The following LOC128092252 variants were observed in gnomAD, a reference collection of about 807,000 sequenced individuals.
the LOC128092252 span, among the ~76,000 whole-genome samples, chr15:50,673,062 G>A: frequency 6.2e-5 from 9 of 144,892 alleles, no homozygotes; most frequent in South Asian, 2.1e-4. Context: ...GTAAGCTAGC[G>A]TTAATTTATT....
chr15:50,659,996 A>G, the LOC128092252 span, among the ~76,000 whole-genome samples: 1 of 152,116 alleles, frequency 6.6e-6, no homozygotes, highest in Admixed American at 6.6e-5. Context: ...AAAGCAAAAC[A>G]TCAATTTCTC....
the LOC128092252 span, among the ~76,000 whole-genome samples, chr15:50,672,686 GATC>G: frequency 6.6e-6 from 1 of 151,826 alleles, no homozygotes; most frequent in Non-Finnish European, 1.5e-5. Flanking sequence ...GAGGCAGGCG[GATC>G]ATCTGAGGTC....
At chr15:50,662,637 C>T in the LOC128092252 span, among the ~76,000 whole-genome samples, 2 of 152,234 alleles carry the variant, frequency 1.3e-5, no homozygotes, top group Admixed American at 1.3e-4. Context: ...TTTAAGTTCC[C>T]AATATCAGTG....
the LOC128092252 span, among the ~76,000 whole-genome samples, chr15:50,653,608 G>A: frequency 1.7e-4 from 26 of 152,096 alleles, no homozygotes; most frequent in Non-Finnish European, 3.4e-4. Context: ...ACCAGCTTGG[G>A]GGCAATTTCT....
At chr15:50,686,139 G>T in the LOC128092252 span, among the ~76,000 whole-genome samples, 4 of 152,128 alleles carry the variant, frequency 2.6e-5, no homozygotes, top group Non-Finnish European at 4.4e-5. Flanking sequence ...TTATCTGCCA[G>T]CAACTGGCGC....
At chr15:50,666,131 C>A in the LOC128092252 span, among the ~76,000 whole-genome samples, 1 of 151,806 alleles carries the variant, frequency 6.6e-6, no homozygotes, top group Admixed American at 6.6e-5. Flanking sequence ...AATAAAACAG[C>A]AAGATAAGCA....
At chr15:50,685,538 T>C in the LOC128092252 span, among the ~76,000 whole-genome samples, 3 of 152,374 alleles carry the variant, frequency 2.0e-5, no homozygotes, top group South Asian at 2.1e-4. Context: ...ATTTGTGTTA[T>C]AAGTAAAACT....
the LOC128092252 span, among the ~76,000 whole-genome samples, chr15:50,683,103 G>T: frequency 6.6e-6 from 1 of 151,546 alleles, no homozygotes; most frequent in Non-Finnish European, 1.5e-5. Context: ...TCCCAGGCTA[G>T]TCTTGTACTC....
At chr15:50,667,421 G>T in the LOC128092252 span, among the ~76,000 whole-genome samples, 84,350 of 152,080 alleles carry the variant, frequency 0.55, 23,525 homozygotes, top group Admixed American at 0.62. Flanking sequence ...AATAAGAGCT[G>T]CTGGCCGGGC....
the LOC128092252 span, among the ~76,000 whole-genome samples, chr15:50,660,020 GTATTT>G: frequency 6.6e-6 from 1 of 152,098 alleles, no homozygotes; most frequent in Non-Finnish European, 1.5e-5. Flanking sequence ...AAGAAAAATG[GTATTT>G]TATTTTAGAA....
the LOC128092252 span, among the ~76,000 whole-genome samples, chr15:50,677,956 T>C: frequency 6.7e-6 from 1 of 150,118 alleles, no homozygotes; most frequent in Non-Finnish European, 1.5e-5. Context: ...GACCTAGAAA[T>C]TGGCTGGGCG....
At chr15:50,654,293 A>T in the LOC128092252 span, among the ~76,000 whole-genome samples, 4 of 151,030 alleles carry the variant, frequency 2.6e-5, no homozygotes, top group Non-Finnish European at 4.4e-5. Flanking sequence ...TAAAAATATA[A>T]AAAATTAGCT....
the LOC128092252 span, among the ~76,000 whole-genome samples, chr15:50,679,524 ATATATATATATATATTTT>A: frequency 1.9e-3 from 88 of 45,674 alleles, 2 homozygotes; most frequent in African/African-American, 8.7e-3. Context: ...ATATATATAT[ATATATATATATATATTTT>A]TTTTTTTTTT....
chr15:50,673,532 A>G, the LOC128092252 span, among the ~76,000 whole-genome samples: 6 of 152,042 alleles, frequency 3.9e-5, no homozygotes, highest in Non-Finnish European at 7.3e-5. Context: ...TTGGTTTTCC[A>G]TTCCTGAGTT....
At chr15:50,684,287 G>T in the LOC128092252 span, among the ~76,000 whole-genome samples, 1 of 151,862 alleles carries the variant, frequency 6.6e-6, no homozygotes, top group African/African-American at 2.4e-5. Context: ...TGAGTAGCTA[G>T]GATTACCACG....
At chr15:50,680,807 C>G in the LOC128092252 span, among the ~76,000 whole-genome samples, 1 of 152,112 alleles carries the variant, frequency 6.6e-6, no homozygotes, top group South Asian at 2.1e-4. Context: ...TATCAAAAGC[C>G]TTCTCCAAGT....
chr15:50,660,978 CTTTT>C, the LOC128092252 span, among the ~76,000 whole-genome samples: 1 of 142,676 alleles, frequency 7.0e-6, no homozygotes, highest in Admixed American at 7.1e-5. Flanking sequence ...ACTACCATTC[CTTTT>C]TTTTTTTTTT....
At chr15:50,672,522 A>C in the LOC128092252 span, among the ~76,000 whole-genome samples, 51 of 152,208 alleles carry the variant, frequency 3.4e-4, no homozygotes, top group African/African-American at 1.2e-3. Flanking sequence ...TCTACTGATG[A>C]TCCTGACCCC....
At chr15:50,674,177 T>C in the LOC128092252 span, among the ~76,000 whole-genome samples, 1 of 152,140 alleles carries the variant, frequency 6.6e-6, no homozygotes, top group Non-Finnish European at 1.5e-5. Context: ...TTAGTAGAGA[T>C]GGGGTTTCAC....
Sources: gnomAD v4.1 joint callset for allele counts (sites outside exome capture counted in the v4.1 genomes callset) on GRCh38, gnomAD v4.1.1 for gene constraint, MANE v1.5 for transcripts.